INPP4B: variants seen among roughly 807,000 people sequenced by gnomAD.
The protein encoded by INPP4B is inositol polyphosphate-4-phosphatase type II B.
Under a neutral mutation model 122.5 loss-of-function variants are expected in INPP4B, and 55 were observed. The ratio of observed to expected loss-of-function variants is 0.45; its 90% CI spans 0.36 to 0.56. The LOEUF is 0.56. Ranked by LOEUF, INPP4B falls within the 20% of genes least tolerant of loss-of-function variation. INPP4B has a pLI of 0.00. For synonymous variants in INPP4B, 403 were observed against 388.7 expected, an observed-to-expected ratio of 1.04 and a Z score of -0.43; for missense variants, 1,000 against 1,097.7, an observed-to-expected ratio of 0.91 and a Z score of 1.26.
At chr4:142,137,613 A>C in intron 18 of INPP4B, among the ~76,000 whole-genome samples, 1 of 113,178 alleles carries the variant, frequency 8.8e-6, no homozygotes, top group Non-Finnish European at 1.9e-5. Flanking sequence ...ACAAAATGGG[A>C]GAAAATTTTC....
chr4:142,631,972 C>T (rs1262690692), intron 2 of INPP4B, among the ~76,000 whole-genome samples: 1 of 152,098 alleles, frequency 6.6e-6, no homozygotes, highest in Non-Finnish European at 1.5e-5. Context: ...ACTTCCCAGA[C>T]CCAAGGGTTA....
intron 7 of INPP4B, among the ~76,000 whole-genome samples, chr4:142,383,521 T>C (rs1794917056): frequency 6.6e-6 from 1 of 152,116 alleles, no homozygotes; most frequent in African/African-American, 2.4e-5. Flanking sequence ...AACAGAGTTA[T>C]GTGGACATGT....
At chr4:142,488,364 A>G (rs1821447424) in intron 2 of INPP4B, among the ~76,000 whole-genome samples, 1 of 152,086 alleles carries the variant, frequency 6.6e-6, no homozygotes. Context: ...TTCTTTGAAT[A>G]TCTTTGATTA....
chr4:142,415,019 TGAA>T (rs1445677725), intron 5 of INPP4B, among the ~76,000 whole-genome samples: 6 of 152,226 alleles, frequency 3.9e-5, no homozygotes, highest in African/African-American at 1.4e-4. Flanking sequence ...AGGATTAGGC[TGAA>T]GAAGTAAGCG....
intron 2 of INPP4B, among the ~76,000 whole-genome samples, chr4:142,719,175 A>C (rs1340048566): frequency 6.6e-6 from 1 of 152,146 alleles, no homozygotes; most frequent in East Asian, 1.9e-4. Flanking sequence ...ACACCCAATC[A>C]CCTATGACTG....
At chr4:142,317,448 T>C (rs1251181978) in intron 7 of INPP4B, 2 of 302,110 alleles carry the variant, frequency 6.6e-6, no homozygotes, top group African/African-American at 2.3e-5. Context: ...TGAATAAACA[T>C]ACGAAGGGAT....
intron 5 of INPP4B, chr4:142,423,734 A>C (rs558847892): frequency 4.2e-5 from 18 of 423,990 alleles, no homozygotes; most frequent in African/African-American, 3.6e-4. Flanking sequence ...TCCACATGAC[A>C]CTTTTTACAA....
At chr4:142,804,345 T>C (rs911790198) in intron 1 of INPP4B, among the ~76,000 whole-genome samples, 3 of 152,164 alleles carry the variant, frequency 2.0e-5, no homozygotes, top group Admixed American at 1.3e-4. Flanking sequence ...CTGGGTCTTA[T>C]TCTCTCTAGG....
At position 142,674,921 on chromosome 4, in the gene INPP4B, G is replaced by A. The variant is rs539750233; in HGVS notation, c.-191+50918C>T. 2.4e-4 allele frequency among the ~76,000 whole-genome samples: 36 copies of A among 152,110 alleles called. No homozygotes were observed. The South Asian group carries it at 7.1e-3, about 30-fold the overall frequency. ...GAGAAAGCAGGAAAGATCTAAAATC[G>A]ACACCCTAAAATCACAATTAAAAGA... On this transcript the variant is annotated intron_variant, in intron 2 of 25. Transcript: ENST00000262992.
chr4:142,182,449 G>A (rs966889317), intron 15 of INPP4B, among the ~76,000 whole-genome samples: 2 of 150,798 alleles, frequency 1.3e-5, no homozygotes, highest in Non-Finnish European at 2.9e-5. Flanking sequence ...TTGAGAGGCT[G>A]AGGCAGGAGA....
intron 25 of INPP4B, among the ~76,000 whole-genome samples, chr4:142,045,263 C>A (rs1750692410): frequency 6.6e-6 from 1 of 152,106 alleles, no homozygotes; most frequent in Non-Finnish European, 1.5e-5. Flanking sequence ...AACATATACA[C>A]AAACAAACAC....
intron 25 of INPP4B, among the ~76,000 whole-genome samples, chr4:142,058,680 G>A (rs150467319): frequency 1.3e-5 from 2 of 152,192 alleles, no homozygotes; most frequent in East Asian, 3.9e-4. Context: ...CTACTTTTCA[G>A]AAGTAATATT....
At chr4:142,667,177 C>G (rs1756235558) in intron 2 of INPP4B, among the ~76,000 whole-genome samples, 1 of 152,220 alleles carries the variant, frequency 6.6e-6, no homozygotes, top group Non-Finnish European at 1.5e-5. Context: ...AGCATTATCT[C>G]TCAGAATCAG....
At position 142,160,331 on chromosome 4, in the gene INPP4B, G is replaced by A. The variant is rs751763146; in HGVS notation, c.1563+27C>T. ...CTTATTTCTCATTGCCAAACATTGAGAGGCAAGCGATATACAAGAGACTTA... is the reference window on the plus strand; with the variant it reads ...CTTATTTCTCATTGCCAAACATTGAAAGGCAAGCGATATACAAGAGACTTA... On this transcript the variant is annotated intron_variant, in intron 17 of 25. Transcript: ENST00000262992. The A allele has an allele frequency of 2.2e-6, 3 of 1,347,120 alleles. No individual in the cohort carries two copies. In the African/African-American group the frequency reaches 4.3e-5, roughly 19 times the overall value. 83.4% of individuals were successfully genotyped at this position (1,347,120 alleles called of 1,614,324 possible).
chr4:142,731,448 A>G (rs975984797), intron 1 of INPP4B, among the ~76,000 whole-genome samples: 3 of 152,234 alleles, frequency 2.0e-5, no homozygotes, highest in African/African-American at 7.2e-5. Flanking sequence ...ATGTCTGCCA[A>G]TAATTCTGGA....
chr4:142,053,064 C>G (rs1188269422), intron 25 of INPP4B, among the ~76,000 whole-genome samples: 2 of 151,962 alleles, frequency 1.3e-5, no homozygotes, highest in Non-Finnish European at 2.9e-5. Context: ...AATGAACCAC[C>G]ACAGAAGAGG....
At chr4:142,793,208 G>A (rs146711792) in intron 1 of INPP4B, among the ~76,000 whole-genome samples, 120 of 152,204 alleles carry the variant, frequency 7.9e-4, no homozygotes, top group Middle Eastern at 3.4e-3. Flanking sequence ...GTGGAACTTC[G>A]TGAAGAAGAT....
chr4:142,513,345 G>A (rs1420878848), intron 2 of INPP4B, among the ~76,000 whole-genome samples: 4 of 152,018 alleles, frequency 2.6e-5, no homozygotes, highest in African/African-American at 9.7e-5. Flanking sequence ...AGGAGATTTG[G>A]TGTCTGGTAA....
At chr4:142,377,326 T>TAA (rs536209789) in intron 7 of INPP4B, among the ~76,000 whole-genome samples, 2 of 144,190 alleles carry the variant, frequency 1.4e-5, no homozygotes, top group South Asian at 4.4e-4. Context: ...TGAGGAAAGT[T>TAA]AAAAAAAAAA....
Sources: gnomAD v4.1 joint callset for allele counts (sites outside exome capture counted in the v4.1 genomes callset) on GRCh38, gnomAD v4.1.1 for gene constraint, MANE v1.5 for transcripts, NCBI Gene and HGNC (gene_info 2026-07-23, HGNC 2026-07-21) for gene names.